METTL15: variants seen among roughly 807,000 people sequenced by gnomAD.
METTL15 encodes 12S rRNA N(4)-cytidine methyltransferase METTL15.
In METTL15, 34 loss-of-function variants were observed where a neutral mutation model predicts 38.3. The ratio of observed to expected loss-of-function variants is 0.89; its 90% CI spans 0.68 to 1.18. The LOEUF (loss-of-function observed/expected upper bound fraction) is 1.18. METTL15 is among the 50% of genes most tolerant of loss of function. The probability of loss-of-function intolerance (pLI) is 0.00; values close to 1 mark genes in which losing one functional copy is unlikely to be tolerated. For missense variants in METTL15, 438 were observed against 498.4 expected, an observed-to-expected ratio of 0.88 and a Z score of 1.15; for synonymous variants, 162 against 170.9, an observed-to-expected ratio of 0.95 and a Z score of 0.41.
At chr11:28,391,053 T>G (rs1184438612) in intron 5 of METTL15, among the ~76,000 whole-genome samples, 1 of 152,178 alleles carries the variant, frequency 6.6e-6, no homozygotes, top group Non-Finnish European at 1.5e-5. Flanking sequence ...TGTATAAGAA[T>G]GCTTGTGATT....
intron 6 of METTL15, among the ~76,000 whole-genome samples, chr11:28,458,470 A>G (rs1851188339): frequency 1.3e-5 from 2 of 152,208 alleles, no homozygotes; most frequent in Admixed American, 1.3e-4. Flanking sequence ...ATTTGAACCT[A>G]GTCTTCTCTT....
chr11:28,466,977 G>A (rs1020281), intron 6 of METTL15, among the ~76,000 whole-genome samples: 8,666 of 152,218 alleles, frequency 0.057, 443 homozygotes, highest in African/African-American at 0.14. Flanking sequence ...TTTAAACCTG[G>A]AGTCCTTTTT....
chr11:28,411,097 G>A (rs1189589286), intron 5 of METTL15, among the ~76,000 whole-genome samples: 1 of 151,816 alleles, frequency 6.6e-6, no homozygotes, highest in African/African-American at 2.4e-5. Context: ...GAAAGAAATT[G>A]AACACAAATA....
intron 3 of METTL15, chr11:28,122,105 T>C (rs1310152476): frequency 1.7e-6 from 2 of 1,191,622 alleles, no homozygotes; most frequent in Non-Finnish European, 2.1e-6. Flanking sequence ...TCCATCTTAC[T>C]CACTCAAAGT....
intron 4 of METTL15, among the ~76,000 whole-genome samples, chr11:28,224,821 C>G (rs1853406214): frequency 6.6e-6 from 1 of 151,656 alleles, no homozygotes; most frequent in Non-Finnish European, 1.5e-5. Context: ...TATCCGGATA[C>G]ATTGGTGTTA....
intron 6 of METTL15, among the ~76,000 whole-genome samples, chr11:28,453,996 T>A (rs1444147909): frequency 1.5e-4 from 23 of 152,234 alleles, no homozygotes; most frequent in Admixed American, 1.5e-3. Context: ...TAGACTTTTC[T>A]TCGTTCAGTG....
chr11:28,461,169 A>G (rs757392247), intron 6 of METTL15, among the ~76,000 whole-genome samples: 15 of 152,074 alleles, frequency 9.9e-5, no homozygotes, highest in Non-Finnish European at 1.8e-4. Flanking sequence ...TGGCATCATT[A>G]GATAAGACAA....
intron 3 of METTL15, among the ~76,000 whole-genome samples, chr11:28,148,738 TTA>T (rs1391185386): frequency 6.6e-6 from 1 of 151,978 alleles, no homozygotes; most frequent in African/African-American, 2.4e-5. Context: ...TAAACTGATT[TTA>T]TTTCAACTTT....
chr11:28,303,219 C>T (rs1384599045), intron 6 of METTL15, among the ~76,000 whole-genome samples: 2 of 152,098 alleles, frequency 1.3e-5, no homozygotes, highest in African/African-American at 2.4e-5. Flanking sequence ...TGTTCAAGTC[C>T]TGGTTCTTCA....
intron 4 of METTL15, among the ~76,000 whole-genome samples, chr11:28,281,154 T>A (rs1299595183): frequency 6.6e-6 from 1 of 152,208 alleles, no homozygotes; most frequent in Non-Finnish European, 1.5e-5. Context: ...GGCAGGCAAT[T>A]CATCTAAGAC....
intron 4 of METTL15, among the ~76,000 whole-genome samples, chr11:28,238,789 C>CAA (rs971565065): frequency 6.6e-6 from 1 of 152,170 alleles, no homozygotes; most frequent in Non-Finnish European, 1.5e-5. Flanking sequence ...ATAAAGCTTT[C>CAA]AACTGCCCCA....
chr11:28,114,450 G>C (rs1209136156), intron 3 of METTL15, among the ~76,000 whole-genome samples: 1 of 151,976 alleles, frequency 6.6e-6, no homozygotes, highest in Admixed American at 6.6e-5. Context: ...TCGTGTACAA[G>C]TTTTCTTTTC....
Position 28,328,301 on chromosome 11 carries a change from C to G in METTL15, c.779-2095C>G, listed in dbSNP as rs1408044853. 7.0e-6 allele frequency: 5 copies of G among 713,946 alleles called. No homozygotes were observed. The East Asian group carries it at 1.5e-4, about 21-fold the overall frequency. The allele number at this position is 713,946 out of a possible 1,614,324, so 44.2% of individuals were successfully genotyped here. On this transcript the variant is annotated intron_variant, in intron 6 of 6. Coordinates refer to ENST00000407364, the MANE Select transcript of METTL15 (RefSeq NM_001113528.2). ...AAGTAATTTTTATAGAGGAAAGAAC[C>G]ATCACACTGATTTGGTTTACTTTAA... is the stretch of plus-strand genomic sequence containing the variant.
At position 28,235,644 on chromosome 11, in the gene METTL15, G is replaced by A. The variant is rs1853922931; in HGVS notation, c.407+24446G>A. 2.0e-5 allele frequency among the ~76,000 whole-genome samples: 3 copies of A among 152,220 alleles called. No individual in the cohort carries two copies. In the South Asian group the frequency reaches 6.2e-4, roughly 32 times the overall value. On this transcript the variant is annotated intron_variant, in intron 4 of 6. Coordinates refer to ENST00000407364, the MANE Select transcript of METTL15 (RefSeq NM_001113528.2). ...GTGTGTAAGAATGCTTGTGATTTTT[G>A]TACATTGATTTTGTATCCTGAGACT...
chr11:28,175,786 A>G (rs949831284), intron 3 of METTL15, among the ~76,000 whole-genome samples: 4 of 152,124 alleles, frequency 2.6e-5, no homozygotes, highest in Non-Finnish European at 5.9e-5. Flanking sequence ...CCATTGCCCT[A>G]ATCTTGGCCA....
intron 3 of METTL15, among the ~76,000 whole-genome samples, chr11:28,343,767 C>T (rs78092318): frequency 0.017 from 2,584 of 152,278 alleles, 122 homozygotes; most frequent in East Asian, 0.12. Context: ...TTTTACTCAA[C>T]ATCTATTGAG....
At chr11:28,187,229 G>T (rs1043227436) in intron 3 of METTL15, among the ~76,000 whole-genome samples, 1 of 151,218 alleles carries the variant, frequency 6.6e-6, no homozygotes, top group Non-Finnish European at 1.5e-5. Context: ...AATTATCCCA[G>T]TGCTATGGCC....
At chr11:28,397,128 C>T (rs1207748301) in intron 5 of METTL15, among the ~76,000 whole-genome samples, 1 of 151,882 alleles carries the variant, frequency 6.6e-6, no homozygotes, top group Non-Finnish European at 1.5e-5. Flanking sequence ...GACCTAAAAC[C>T]ATAAAAACCC....
intron 4 of METTL15, among the ~76,000 whole-genome samples, chr11:28,262,737 T>C (rs1227294303): frequency 4.6e-5 from 7 of 152,092 alleles, no homozygotes; most frequent in African/African-American, 1.7e-4. Context: ...GCCAAAACAG[T>C]GTGTCTGTAT....
Sources: gnomAD v4.1 joint callset for allele counts (sites outside exome capture counted in the v4.1 genomes callset) on GRCh38, gnomAD v4.1.1 for gene constraint, MANE v1.5 for transcripts, NCBI Gene and HGNC (gene_info 2026-07-23, HGNC 2026-07-21) for gene names.